Variants in MNS1 observed in about 807,000 individuals in gnomAD.
MNS1 encodes the protein meiosis-specific nuclear structural protein 1.
MNS1 carries 63 observed loss-of-function variants against 72.0 expected under a neutral mutation model. The ratio of observed to expected loss-of-function variants is 0.87; its 90% CI spans 0.71 to 1.08. The LOEUF is 1.08. Ranked by LOEUF, MNS1 falls within the 50% of genes least tolerant of loss-of-function variation. The pLI, the probability that MNS1 is intolerant of heterozygous loss-of-function variation, is 0.00. For missense variants in MNS1, 604 were observed against 562.4 expected, an observed-to-expected ratio of 1.07 and a Z score of -0.75; for synonymous variants, 188 against 172.1, an observed-to-expected ratio of 1.09 and a Z score of -0.72.
rs550584483 is a variant in MNS1 at position 56,454,221 on chromosome 15, G to A, written c.353+2173C>T. On this transcript the variant is annotated intron_variant, in intron 3 of 9. Coordinates refer to ENST00000260453, the MANE Select transcript of MNS1 (RefSeq NM_018365.4). ...AAGCACTTTCTTCCTTTTAGTTTTT[G>A]TGGGTACACAGTATATATTTGTATA... Among the ~76,000 whole-genome samples the A allele has an allele frequency of 2.0e-5, 3 of 152,174 alleles. No individual in the cohort carries two copies. In the South Asian group the frequency reaches 6.2e-4, roughly 32 times the overall value.
chr15:56,447,076 A>G, intron 3 of MNS1, 133 bp from the exon 4 acceptor site: 1 of 626,488 alleles, frequency 1.6e-6, no homozygotes, highest in Non-Finnish European at 2.7e-6. Context: ...GATCCATAGG[A>G]GAAATAATTC....
chr15:56,453,085 C>G (rs1469894448), intron 3 of MNS1, among the ~76,000 whole-genome samples: 2 of 151,994 alleles, frequency 1.3e-5, no homozygotes, highest in African/African-American at 4.8e-5. Flanking sequence ...CAGCATGTTT[C>G]TTTGTTTCCA....
intron 7 of MNS1, among the ~76,000 whole-genome samples, chr15:56,434,623 A>G (rs898579994): frequency 2.6e-5 from 4 of 152,124 alleles, no homozygotes; most frequent in African/African-American, 4.8e-5. Context: ...TTTAATTTAT[A>G]TTTACCATCT....
In MNS1 at chr15:56,464,980, G is replaced by A. The variant is rs199507866; in HGVS notation, c.-8C>T. On this transcript the variant is annotated 5_prime_UTR_variant, in exon 1 of 10. Transcript: ENST00000260453. Reference sequence around the variant, plus strand: ...CCCCAACTGGCTCACCATCTTGGCTGACGAAAAATACCCCCTCTCGTGGGA... The same window carrying A: ...CCCCAACTGGCTCACCATCTTGGCTAACGAAAAATACCCCCTCTCGTGGGA... The A allele has an allele frequency of 2.5e-5, 41 of 1,609,846 alleles. No homozygotes were observed. In the Middle Eastern group the frequency reaches 4.9e-4, roughly 19 times the overall value.
rs975516764 is a variant in MNS1, at chr15:56,464,392, A to G, written c.4-145T>C. ...CAAAGGAGTATACCGAATAAAAAGT[A>G]AACGTGGTAAATATGTTCACATATC... On this transcript the variant is annotated intron_variant, in intron 1 of 9. Coordinates refer to ENST00000260453, the MANE Select transcript of MNS1 (RefSeq NM_018365.4). 1.3e-5 allele frequency: 8 copies of G among 628,400 alleles called. No homozygotes were observed. In the African/African-American group the frequency reaches 1.5e-4, roughly 12 times the overall value. 38.9% of individuals were successfully genotyped at this position (628,400 alleles called of 1,614,324 possible).
intron 2 of MNS1, among the ~76,000 whole-genome samples, chr15:56,462,696 G>T (rs1381845610): frequency 6.6e-6 from 1 of 152,174 alleles, no homozygotes; most frequent in Non-Finnish European, 1.5e-5. Context: ...CAAATACACC[G>T]TATGAATGTT....
intron 9 of MNS1, among the ~76,000 whole-genome samples, chr15:56,430,414 C>T (rs1447101850): frequency 1.3e-5 from 2 of 152,156 alleles, no homozygotes; most frequent in Non-Finnish European, 2.9e-5. Flanking sequence ...CCATGTTTCC[C>T]AGGCTGGTCT....
chr15:56,451,495 T>G (rs183542807), intron 3 of MNS1, among the ~76,000 whole-genome samples: 1 of 152,336 alleles, frequency 6.6e-6, no homozygotes. Context: ...TTCTGATGTT[T>G]GTAGTCGGGG....
chr15:56,436,818 T>G (rs1055932653), intron 7 of MNS1, among the ~76,000 whole-genome samples: 1 of 152,096 alleles, frequency 6.6e-6, no homozygotes, highest in Non-Finnish European at 1.5e-5. Flanking sequence ...GAGAATACTA[T>G]AAACACCTCT....
At chr15:56,438,676 G>A (rs1323809987) in intron 7 of MNS1, among the ~76,000 whole-genome samples, 1 of 152,140 alleles carries the variant, frequency 6.6e-6, no homozygotes, top group Non-Finnish European at 1.5e-5. Flanking sequence ...CTTCCGCACA[G>A]CAAAAGAAAC....
intron 3 of MNS1, 32 bp from the exon 4 acceptor site, chr15:56,446,975 T>G (rs756323461): frequency 6.8e-7 from 1 of 1,480,814 alleles, no homozygotes; most frequent in South Asian, 1.1e-5. Context: ...AATTTAAATG[T>G]TAGGACCATA....
chr15:56,448,108 A>G (rs1215850260), intron 3 of MNS1, among the ~76,000 whole-genome samples: 3 of 152,198 alleles, frequency 2.0e-5, no homozygotes, highest in African/African-American at 7.2e-5. Context: ...TGCTATGGAA[A>G]TTTGAGTACC....
intron 9 of MNS1, 127 bp downstream of exon 9, chr15:56,431,246 G>A (rs1596249830): frequency 6.8e-6 from 7 of 1,034,700 alleles, no homozygotes; most frequent in African/African-American, 4.8e-5. Context: ...CTGGACAGGA[G>A]GATCCCATTG....
intron 2 of MNS1, among the ~76,000 whole-genome samples, chr15:56,461,660 C>CAAAAAA (rs11294380): frequency 1.4e-4 from 8 of 57,082 alleles, no homozygotes; most frequent in African/African-American, 1.4e-4. Context: ...GACTCTGTCT[C>CAAAAAA]AAAAAAAAAA....
chr15:56,451,590 T>A (rs778589460), intron 3 of MNS1, among the ~76,000 whole-genome samples: 31 of 152,204 alleles, frequency 2.0e-4, no homozygotes, highest in Middle Eastern at 3.2e-3. Context: ...ACTTTTAGTA[T>A]GTGGTATTTT....
intron 3 of MNS1, among the ~76,000 whole-genome samples, chr15:56,452,586 T>C (rs1252922338): frequency 6.6e-6 from 1 of 151,830 alleles, no homozygotes; most frequent in African/African-American, 2.4e-5. Flanking sequence ...TGGCGCGATC[T>C]TGGCTCACTG....
rs1219335496 is a variant in MNS1 at position 56,431,417 on chromosome 15, G to C, written c.1351C>G (p.Leu451Val). The C allele has an allele frequency of 6.2e-7, 1 of 1,613,324 alleles. No individual in the cohort carries two copies. The highest frequency in any genetic ancestry group is 2.2e-5 in the East Asian group (1 of 44,882). Reference protein sequence around the residue: ...NAIIEEERLKLLKEHATNLLG... With the variant: ...NAIIEEERLKVLKEHATNLLG... ...AAGTTTGTAGCATGCTCTTTAAGAAGTTTTAGCCTTTCTTCTTCAATAATT... is the reference window on the plus strand; with the variant it reads ...AAGTTTGTAGCATGCTCTTTAAGAACTTTTAGCCTTTCTTCTTCAATAATT... Residue 451 changes from leucine to valine, a missense_variant, in exon 9 of 10, where the codon CTT (leucine) becomes GTT (valine). Transcript: ENST00000260453.
intron 2 of MNS1, among the ~76,000 whole-genome samples, chr15:56,457,697 C>G (rs1353544173): frequency 1.3e-5 from 2 of 151,848 alleles, no homozygotes; most frequent in African/African-American, 4.8e-5. Flanking sequence ...ATCTGTAGTT[C>G]TAGCTGTATC....
intron 3 of MNS1, among the ~76,000 whole-genome samples, chr15:56,450,262 T>C (rs1596265777): frequency 6.6e-6 from 1 of 152,176 alleles, no homozygotes; most frequent in Non-Finnish European, 1.5e-5. Context: ...CATGTGAAAA[T>C]ATATGTAACA....
Sources: gnomAD v4.1 joint callset for allele counts (sites outside exome capture counted in the v4.1 genomes callset) on GRCh38, gnomAD v4.1.1 for gene constraint, MANE v1.5 for transcripts, NCBI Gene and HGNC (gene_info 2026-07-23, HGNC 2026-07-21) for gene names.